Variants in ZNF540 observed in about 807,000 individuals in gnomAD.
The protein encoded by ZNF540 is zinc finger protein 540.
ZNF540 carries 3 observed loss-of-function variants against 11.8 expected under a neutral mutation model. The observed-to-expected ratio is 0.25, with a 90% CI of 0.12 to 0.65. ZNF540 has a LOEUF of 0.65. Among genes scored for constraint, ZNF540 ranks in the 30% least tolerant of loss-of-function variants. ZNF540 has a pLI of 0.83. For synonymous variants in ZNF540, 247 were observed against 259.0 expected (o/e 0.95, Z 0.45); for missense variants, 709 against 793.1 (o/e 0.89, Z 1.27).
At chr19:37,566,833 C>A (rs1382001828) in intron 1 of ZNF540, among the ~76,000 whole-genome samples, 1 of 152,126 alleles carries the variant, frequency 6.6e-6, no homozygotes, top group Admixed American at 6.6e-5. Flanking sequence ...TAAAAATCTT[C>A]CCTATTAATG....
intron 4 of ZNF540, among the ~76,000 whole-genome samples, chr19:37,604,915 C>T (rs1003746766): frequency 6.6e-5 from 10 of 152,192 alleles, no homozygotes; most frequent in Non-Finnish European, 8.8e-5. Flanking sequence ...TGTCATACTA[C>T]TTCTACTTCT....
At chr19:37,584,504 CCAAA>C (rs1238255451) in intron 1 of ZNF540, among the ~76,000 whole-genome samples, 2 of 152,092 alleles carry the variant, frequency 1.3e-5, no homozygotes, top group African/African-American at 4.8e-5. Flanking sequence ...GAATTTTTTT[CCAAA>C]CAATGTTTAC....
chr19:37,559,397 A>T (rs965670301), intron 1 of ZNF540, among the ~76,000 whole-genome samples: 2 of 152,260 alleles, frequency 1.3e-5, no homozygotes, highest in African/African-American at 4.8e-5. Context: ...AAGAATAAAC[A>T]TATAAAGATA....
At chr19:37,597,785 A>G (rs1441384527) in intron 1 of ZNF540, among the ~76,000 whole-genome samples, 2 of 152,218 alleles carry the variant, frequency 1.3e-5, no homozygotes, top group Non-Finnish European at 2.9e-5. Flanking sequence ...TGGCCCATAC[A>G]ATCTCCATTG....
chr19:37,584,478 A>G (rs928387818), intron 1 of ZNF540, among the ~76,000 whole-genome samples: 3 of 152,228 alleles, frequency 2.0e-5, no homozygotes, highest in African/African-American at 7.2e-5. Flanking sequence ...CTGCCTTTAA[A>G]TACTTTTAAA....
upstream of ZNF540, among the ~76,000 whole-genome samples, chr19:37,590,113 G>C (rs1483982629): frequency 1.4e-5 from 1 of 71,484 alleles, no homozygotes; most frequent in Non-Finnish European, 2.8e-5. Flanking sequence ...GGCAAAAAAA[G>C]GCTATAAGGA....
intron 1 of ZNF540, among the ~76,000 whole-genome samples, chr19:37,589,480 C>T (rs987069273): frequency 4.8e-5 from 7 of 145,858 alleles, no homozygotes; most frequent in Non-Finnish European, 1.1e-4. Flanking sequence ...GGACAACAGA[C>T]AATTCATAAA....
At chr19:37,587,831 T>C (rs774192868) in intron 1 of ZNF540, among the ~76,000 whole-genome samples, 26 of 151,968 alleles carry the variant, frequency 1.7e-4, no homozygotes, top group Non-Finnish European at 2.9e-4. Context: ...TAAGAATACA[T>C]GGGTTGGCTG....
chr19:37,592,512 G>C (rs1042872683), upstream of ZNF540, among the ~76,000 whole-genome samples: 2 of 152,132 alleles, frequency 1.3e-5, no homozygotes, highest in African/African-American at 4.8e-5. Context: ...CAAAAACCAA[G>C]TTTCACCCAC....
chr19:37,565,104 TATGAATTCTCTGA>T lies in ZNF540; in HGVS notation c.-73+13440_-73+13452del. On this transcript the variant is annotated intron_variant, in intron 1 of 4. Coordinates refer to the ZNF540 transcript ENST00000592533. ...TTACATTCAAAGGGTTTCTCACCTG[TATGAATTCTCTGA>T]TGTTCACTAAGTTGTTTGCCACAAA... 3 of 1,613,306 alleles carry T rather than the reference TATGAATTCTCTGA, an allele frequency of 1.9e-6. No homozygotes were observed. The East Asian group carries it at 6.7e-5, about 36-fold the overall frequency.
intron 4 of ZNF540, among the ~76,000 whole-genome samples, chr19:37,609,623 G>A (rs2044112844): frequency 6.6e-6 from 1 of 151,860 alleles, no homozygotes; most frequent in African/African-American, 2.4e-5. Flanking sequence ...CGAGACAAGT[G>A]GATCACCTGA....
intron 1 of ZNF540, chr19:37,583,959 G>A (rs1478006033): frequency 6.3e-7 from 1 of 1,591,668 alleles, no homozygotes. Flanking sequence ...ATATTACGTA[G>A]GATGATCTTA....
rs750085897 is a variant in ZNF540, at chr19:37,612,823, A to G, written c.1543A>G (p.Arg515Gly). 5 of 1,613,998 alleles carry G rather than the reference A, an allele frequency of 3.1e-6. No homozygotes were observed. Among genetic ancestry groups the G allele is most frequent in the Non-Finnish European group, 4.2e-6 (5 of 1,180,026 alleles). Residue 515 changes from arginine to glycine, a missense_variant, in exon 5 of 5, where the codon AGA (arginine) becomes GGA (glycine). Physicochemically the swap from Arg to Gly is moderately radical, Grantham distance 125. Transcript: ENST00000316433. Reference sequence around the variant, plus strand: ...TGGTTTCTACCTTACTGAACACCAGAGAATTCACACTGGTGAAAAGCCCTA... The same window carrying G: ...TGGTTTCTACCTTACTGAACACCAGGGAATTCACACTGGTGAAAAGCCCTA... ...RFGFYLTEHQ[R>G]IHTGEKPYKC...
chr19:37,564,484 A>T, intron 1 of ZNF540: 1 of 903,694 alleles, frequency 1.1e-6, no homozygotes, highest in Non-Finnish European at 1.6e-6. Context: ...CATCCATGTT[A>T]ATGTAGGCCT....
At chr19:37,554,634 C>T (rs1288401678) in intron 1 of ZNF540, 3 of 152,142 alleles carry the variant, frequency 2.0e-5, no homozygotes, top group Non-Finnish European at 1.5e-5. Flanking sequence ...GTATTTTCAA[C>T]CATTATTTTT....
chr19:37,557,572 A>G (rs4803233), intron 1 of ZNF540, among the ~76,000 whole-genome samples: 38,578 of 152,056 alleles, frequency 0.25, 5,586 homozygotes, highest in East Asian at 0.63. Context: ...TCCCTGCTCG[A>G]GAAAGCTGCT....
intron 1 of ZNF540, chr19:37,585,094 G>A (rs930148283): frequency 6.6e-6 from 1 of 152,244 alleles, no homozygotes; most frequent in Admixed American, 6.5e-5. Context: ...GCTATAGCAA[G>A]GTACTGGATG....
rs61731963 is a variant in ZNF540, at chr19:37,565,055, C to T, written c.-73+13390C>T. On this transcript the variant is annotated intron_variant, in intron 1 of 4. Transcript: ENST00000592533. Reference sequence around the variant, plus strand: ...CTCATGTTGAGTAAGATATGCAACACGAATAAAGGCCTTTCCACATTCCTT... The same window carrying T: ...CTCATGTTGAGTAAGATATGCAACATGAATAAAGGCCTTTCCACATTCCTT... 7,179 of 1,613,822 alleles carry T rather than the reference C, an allele frequency of 4.4e-3. 28 individuals carry two copies. Among genetic ancestry groups the T allele is most frequent in the Non-Finnish European group, 5.3e-3 (6,243 of 1,179,906 alleles).
chr19:37,604,330 C>CG (rs2044065478), intron 4 of ZNF540, among the ~76,000 whole-genome samples: 1 of 30,110 alleles, frequency 3.3e-5, no homozygotes, highest in Non-Finnish European at 6.6e-5. Flanking sequence ...TTTTTTAAGG[C>CG]GGAGTCTCGC....
Sources: gnomAD v4.1 joint callset for allele counts (sites outside exome capture counted in the v4.1 genomes callset) on GRCh38, gnomAD v4.1.1 for gene constraint, MANE v1.5 for transcripts, NCBI Gene and HGNC (gene_info 2026-07-23, HGNC 2026-07-21) for gene names.